CAPN8: variants seen among roughly 807,000 people sequenced by gnomAD.
The protein encoded by CAPN8 is calpain-8.
A neutral mutation model predicts 80.9 loss-of-function variants in CAPN8; 87 were observed. That is an observed-to-expected ratio of 1.07 (90% CI 0.90 to 1.28). CAPN8 has a LOEUF of 1.28. CAPN8 is among the 50% of genes most tolerant of loss of function. The pLI, the probability that CAPN8 is intolerant of heterozygous loss-of-function variation, is 0.00. For synonymous variants in CAPN8, 299 were observed against 273.8 expected (o/e 1.09, Z -0.91); for missense variants, 757 against 702.0 (o/e 1.08, Z -0.89).
chr1:223,609,580 C>T, intron 11 of CAPN8, among the ~76,000 whole-genome samples: 1 of 152,266 alleles, frequency 6.6e-6, no homozygotes, highest in Non-Finnish European at 1.5e-5. Context: ...AGGCATTGAT[C>T]TTGACTGTGT....
chr1:223,639,042 C>G (rs886356778), intron 2 of CAPN8, among the ~76,000 whole-genome samples: 4 of 152,132 alleles, frequency 2.6e-5, no homozygotes, highest in African/African-American at 9.7e-5. Context: ...GAGTTTGAGA[C>G]CAGCCTGGCC....
In CAPN8 at chr1:223,541,706, A is replaced by C; in HGVS notation, c.*130T>G. On this transcript the variant is annotated 3_prime_UTR_variant, in exon 21 of 21. Transcript: ENST00000366872. ...TCATAGCTCAGTGCTGCTGAAATAG[A>C]CCCAGGGCAAGAAAGGTATGAACAA... 1 of 1,437,350 alleles carries C rather than the reference A, an allele frequency of 7.0e-7. No homozygotes were observed. The highest frequency in any genetic ancestry group is 9.6e-7 in the Non-Finnish European group (1 of 1,045,324). 89.0% of individuals were successfully genotyped at this position (1,437,350 alleles called of 1,614,324 possible).
intron 1 of CAPN8, among the ~76,000 whole-genome samples, chr1:223,663,114 C>T (rs1314195446): frequency 2.0e-5 from 3 of 152,208 alleles, no homozygotes; most frequent in South Asian, 2.1e-4. Flanking sequence ...GTTCTACTGC[C>T]TCATGCTCTG....
intron 2 of CAPN8, among the ~76,000 whole-genome samples, chr1:223,645,582 C>T (rs1283289621): frequency 6.6e-6 from 1 of 152,152 alleles, no homozygotes; most frequent in Non-Finnish European, 1.5e-5. Context: ...CCAGGCATTG[C>T]CCTGTTAAAT....
chr1:223,629,197 A>AGTGTGTGTGTGT (rs113967295), intron 2 of CAPN8, among the ~76,000 whole-genome samples: 47 of 95,298 alleles, frequency 4.9e-4, no homozygotes, highest in East Asian at 4.6e-3. Context: ...TACGTGTAAG[A>AGTGTGTGTGTGT]GTGTGTGTGT....
intron 13 of CAPN8, among the ~76,000 whole-genome samples, chr1:223,555,368 C>T (rs1350491251): frequency 2.0e-5 from 3 of 152,190 alleles, no homozygotes; most frequent in Non-Finnish European, 4.4e-5. Context: ...TCCCTGCATC[C>T]GACTACTCTC....
chr1:223,659,286 T>G (rs145854405), intron 1 of CAPN8, among the ~76,000 whole-genome samples: 189 of 152,314 alleles, frequency 1.2e-3, no homozygotes, highest in African/African-American at 4.3e-3. Context: ...TTAGGAGCTC[T>G]GGTTTTTAGA....
chr1:223,547,052 T>A (rs565190493), intron 16 of CAPN8, among the ~76,000 whole-genome samples: 3 of 152,280 alleles, frequency 2.0e-5, no homozygotes, highest in South Asian at 2.1e-4. Flanking sequence ...TAGCTGGGAT[T>A]ACAGACATGT....
chr1:223,545,355 T>G (rs1656592895), intron 16 of CAPN8, 56 bp from the exon 17 acceptor site: 8 of 1,550,140 alleles, frequency 5.2e-6, no homozygotes, highest in Non-Finnish European at 7.0e-6. Context: ...CCTTATAGAT[T>G]TCTTTCTCTT....
At chr1:223,659,656 A>G (rs1041309985) in intron 1 of CAPN8, among the ~76,000 whole-genome samples, 11 of 152,074 alleles carry the variant, frequency 7.2e-5, no homozygotes, top group African/African-American at 2.7e-4. Context: ...ACTCCCATAC[A>G]TTGTGTTCAT....
intron 5 of CAPN8, among the ~76,000 whole-genome samples, chr1:223,626,618 C>A (rs967353201): frequency 6.6e-6 from 1 of 152,148 alleles, no homozygotes; most frequent in African/African-American, 2.4e-5. Flanking sequence ...CAGGTATCAT[C>A]AATCATCACA....
intron 2 of CAPN8, among the ~76,000 whole-genome samples, chr1:223,638,437 A>T (rs1385020212): frequency 6.6e-6 from 1 of 152,138 alleles, no homozygotes; most frequent in African/African-American, 2.4e-5. Context: ...AAAGATACAC[A>T]TGACTGTATA....
Position 223,654,839 on chromosome 1 carries a change from C to A in CAPN8, c.238-440G>T, listed in dbSNP as rs1425407435. ...TACAGGCACGTGCCACCACACCCGG[C>A]TAATTTTTTTTTTTTTTTTTTTTTG... On this transcript the variant is annotated intron_variant, in intron 1 of 20. Transcript: ENST00000366872. 7.1e-5 allele frequency among the ~76,000 whole-genome samples: 8 copies of A among 113,030 alleles called. No individual in the cohort carries two copies. In the East Asian group the frequency reaches 1.9e-3, roughly 27 times the overall value. 74.2% of individuals were successfully genotyped at this position (113,030 alleles called of 152,430 possible).
At chr1:223,553,492 G>A (rs968424819) in intron 14 of CAPN8, among the ~76,000 whole-genome samples, 3 of 152,166 alleles carry the variant, frequency 2.0e-5, no homozygotes, top group Admixed American at 6.5e-5. Context: ...TATTTGGAGA[G>A]GTTTTGCCAT....
At chr1:223,545,327 G>C in intron 16 of CAPN8, 28 bp from the exon 17 acceptor site, 1 of 1,551,434 alleles carries the variant, frequency 6.4e-7, no homozygotes, top group Non-Finnish European at 8.7e-7. Flanking sequence ...CAACATGATT[G>C]AGTCCAAATT....
chr1:223,632,406 G>T (rs867312339), intron 2 of CAPN8, among the ~76,000 whole-genome samples: 1 of 143,704 alleles, frequency 7.0e-6, no homozygotes, highest in Admixed American at 7.0e-5. Flanking sequence ...ACAAGGTCTC[G>T]CTCTGTTGCC....
At chr1:223,628,933 G>T (rs754578943) in intron 2 of CAPN8, 153 bp from the exon 3 acceptor site, 1 of 606,538 alleles carries the variant, frequency 1.6e-6, no homozygotes, top group Non-Finnish European at 2.9e-6. Context: ...AAATGCACCC[G>T]CAGCCATCAG....
intron 10 of CAPN8, 53 bp from the exon 11 acceptor site, chr1:223,612,310 C>A: frequency 8.1e-7 from 1 of 1,232,878 alleles, no homozygotes; most frequent in South Asian, 4.1e-5. Flanking sequence ...GGTCCTCCTT[C>A]TGCTCCTTTT....
intron 20 of CAPN8, among the ~76,000 whole-genome samples, chr1:223,542,688 GA>G (rs1656501104): frequency 1.3e-5 from 2 of 152,246 alleles, no homozygotes; most frequent in East Asian, 3.9e-4. Flanking sequence ...AACATTATGT[GA>G]CTTGTACACA....
Sources: allele counts gnomAD v4.1 joint callset (sites outside exome capture counted in the v4.1 genomes callset), GRCh38; gene constraint gnomAD v4.1.1; transcripts MANE v1.5; gene names NCBI Gene and HGNC (gene_info 2026-07-23, HGNC 2026-07-21).